The following DDX1 variants were observed in gnomAD, a reference collection of about 807,000 sequenced individuals.
DDX1 encodes DEAD-box helicase 1.
Under a neutral mutation model 108.7 loss-of-function variants are expected in DDX1, and 28 were observed. The ratio of observed to expected loss-of-function variants is 0.26; its 90% CI spans 0.19 to 0.35. The LOEUF (loss-of-function observed/expected upper bound fraction) is 0.35. Ranked by LOEUF, DDX1 falls within the 10% of genes least tolerant of loss-of-function variation. The pLI, the probability that DDX1 is intolerant of heterozygous loss-of-function variation, is 1.00. For missense variants in DDX1, 710 were observed against 884.5 expected, an observed-to-expected ratio of 0.80 and a Z score of 2.50; for synonymous variants, 295 against 288.9, an observed-to-expected ratio of 1.02 and a Z score of -0.21.
chr2:15,629,927 A>G, intron 24 of DDX1, 63 bp from the exon 25 acceptor site: 1 of 1,455,690 alleles, frequency 6.9e-7, no homozygotes, highest in African/African-American at 1.4e-5. Flanking sequence ...TTATTTAATG[A>G]TGATAAAATG....
intron 13 of DDX1, among the ~76,000 whole-genome samples, chr2:15,612,730 T>C (rs1416470915): frequency 6.6e-6 from 1 of 152,074 alleles, no homozygotes; most frequent in Non-Finnish European, 1.5e-5. Flanking sequence ...GAGCACTGAG[T>C]GAGGGAGACT....
At chr2:15,600,946 A>C in intron 6 of DDX1, among the ~76,000 whole-genome samples, 1 of 151,858 alleles carries the variant, frequency 6.6e-6, no homozygotes, top group Non-Finnish European at 1.5e-5. Context: ...AACTGTGTGT[A>C]GCACAGCTGT....
At chr2:15,613,407 T>C in intron 14 of DDX1, 123 bp downstream of exon 14, 1 of 570,838 alleles carries the variant, frequency 1.8e-6, no homozygotes, top group Non-Finnish European at 3.0e-6. Flanking sequence ...GAGGAGTATG[T>C]TTGTTCAAAG....
intron 5 of DDX1, among the ~76,000 whole-genome samples, chr2:15,598,890 T>C (rs1665542801): frequency 6.6e-6 from 1 of 152,158 alleles, no homozygotes; most frequent in South Asian, 2.1e-4. Context: ...ATGAAAAAAA[T>C]GTGTGACTTT....
chr2:15,602,806 C>G (rs1310830953), intron 7 of DDX1, among the ~76,000 whole-genome samples, 175 bp downstream of exon 7: 1 of 152,146 alleles, frequency 6.6e-6, no homozygotes, highest in African/African-American at 2.4e-5. Context: ...CTCCACCTCC[C>G]GGGTTCAAGC....
chr2:15,618,128 C>G (rs768589974), intron 15 of DDX1, 53 bp from the exon 16 acceptor site: 1 of 1,100,486 alleles, frequency 9.1e-7, no homozygotes, highest in Non-Finnish European at 1.3e-6. Context: ...TTAAAACTTA[C>G]GTTTTTTTCC....
intron 19 of DDX1, among the ~76,000 whole-genome samples, chr2:15,625,524 T>C (rs1284204418): frequency 6.6e-6 from 1 of 152,152 alleles, no homozygotes; most frequent in African/African-American, 2.4e-5. Flanking sequence ...TACATTGAAA[T>C]GTACAAAAAT....
chr2:15,592,136 A>G (rs933022618), intron 1 of DDX1, among the ~76,000 whole-genome samples, 187 bp downstream of exon 1: 1 of 152,166 alleles, frequency 6.6e-6, no homozygotes, highest in Non-Finnish European at 1.5e-5. Context: ...GGTTCGGAGG[A>G]CGATTCTTCC....
chr2:15,604,841 G>A (rs573858463), intron 10 of DDX1, among the ~76,000 whole-genome samples: 2 of 152,282 alleles, frequency 1.3e-5, no homozygotes, highest in South Asian at 4.1e-4. Flanking sequence ...GTGCTTTTGT[G>A]TAGGGCAGTC....
rs1558455942 is a variant in DDX1, at chr2:15,612,998, A to AAAGAGAGGGAGAGGGAGACCGTGGG, written c.957-225_957-201dup. Among the ~76,000 whole-genome samples, 29 of 151,372 alleles carry AAAGAGAGGGAGAGGGAGACCGTGGG rather than the reference A, an allele frequency of 1.9e-4. No homozygotes were observed. The South Asian group carries it at 6.2e-3, about 32-fold the overall frequency. On this transcript the variant is annotated intron_variant, in intron 13 of 25. Transcript: ENST00000233084. ...GCTCGGTATCAGAGGGAGACCGTGG[A>AAAGAGAGGGAGAGGGAGACCGTGGG]AAGAGAGGGAGAGGGAGACCGTGGG...
At chr2:15,624,051 G>GT (rs1401453548) in intron 19 of DDX1, among the ~76,000 whole-genome samples, 1 of 152,148 alleles carries the variant, frequency 6.6e-6, no homozygotes, top group East Asian at 1.9e-4. Flanking sequence ...AGTAAACACT[G>GT]TAAGTATCAG....
chr2:15,629,809 G>T, intron 24 of DDX1, 112 bp downstream of exon 24: 1 of 1,034,326 alleles, frequency 9.7e-7, no homozygotes, highest in South Asian at 1.8e-5. Flanking sequence ...ATAAGGGAAA[G>T]TCGTAGTTGG....
intron 6 of DDX1, among the ~76,000 whole-genome samples, 200 bp downstream of exon 6, chr2:15,599,916 A>G (rs752195861): frequency 1.3e-5 from 2 of 152,256 alleles, no homozygotes; most frequent in African/African-American, 2.4e-5. Flanking sequence ...ATGAGAAGTT[A>G]TATGCAGGAA....
rs773770521 is a variant in DDX1, at chr2:15,620,334, G to A, written c.1333G>A (p.Val445Ile). ...DSVPDTVHHV[V>I]VPVNPKTDRL... ...TGTTCCAGATACTGTACACCATGTTGTTGTCCCAGTAAATCCCAAAACTGA... is the reference window on the plus strand; with the variant it reads ...TGTTCCAGATACTGTACACCATGTTATTGTCCCAGTAAATCCCAAAACTGA... The change falls in exon 17 of 26, where the codon GTT (valine) becomes ATT (isoleucine). Residue 445 changes from valine (V) to isoleucine (I), a missense_variant. Val to Ile is a conservative substitution (Grantham distance 29, BLOSUM62 3). Coordinates refer to ENST00000233084, the MANE Select transcript of DDX1 (RefSeq NM_004939.3). 9 of 1,613,884 alleles carry A rather than the reference G, an allele frequency of 5.6e-6. No individual in the cohort carries two copies. The South Asian group carries it at 8.8e-5, about 16-fold the overall frequency.
chr2:15,622,746 G>A (rs1456385466), intron 18 of DDX1, among the ~76,000 whole-genome samples: 2 of 152,122 alleles, frequency 1.3e-5, no homozygotes, highest in Non-Finnish European at 2.9e-5. Flanking sequence ...AGTTTTTATT[G>A]CTTCTTATAT....
At chr2:15,613,096 G>C (rs1428311872) in intron 13 of DDX1, 128 bp from the exon 14 acceptor site, 5 of 642,790 alleles carry the variant, frequency 7.8e-6, no homozygotes, top group African/African-American at 1.9e-5. Context: ...TTGTTTTATT[G>C]TAGGCTTTTT....
At chr2:15,629,752 C>T (rs1666162039) in intron 24 of DDX1, 55 bp downstream of exon 24, 3 of 1,321,768 alleles carry the variant, frequency 2.3e-6, no homozygotes, top group Non-Finnish European at 3.1e-6. Flanking sequence ...GAATAGAAAG[C>T]ATTTATCTTC....
In DDX1 at chr2:15,607,290, A is replaced by T; in HGVS notation, c.933A>T (p.Lys311Asn). The T allele has an allele frequency of 6.2e-7, 1 of 1,613,290 alleles. No homozygotes were observed. Residue 311 changes from lysine to asparagine, a missense_variant, in exon 13 of 26, where the codon AAA becomes AAT. Physicochemically the swap from Lys to Asn is moderately conservative, Grantham distance 94 (BLOSUM62 0). Around this residue, in one of 3 missense-constraint regions of DDX1, gnomAD observed 661 missense variants for 810.2 expected, o/e 0.82. Transcript: ENST00000233084. Reference protein sequence around the residue: ...QTLNNIKQFKKYIDNPKLREL... With the variant: ...QTLNNIKQFKNYIDNPKLREL... ...TGAACAACATCAAGCAGTTTAAGAA[A>T]TACATTGATAATCCTAAATTAAGGT...
intron 7 of DDX1, among the ~76,000 whole-genome samples, chr2:15,602,858 C>T (rs546127434): frequency 2.6e-5 from 4 of 152,230 alleles, no homozygotes; most frequent in South Asian, 2.1e-4. Flanking sequence ...GGATTACAGG[C>T]GCCCACCACC....
Sources: gnomAD v4.1 joint callset for allele counts (sites outside exome capture counted in the v4.1 genomes callset) on GRCh38, gnomAD v4.1.1 for gene constraint, gnomAD v4.1.1 regional missense constraint, MANE v1.5 for transcripts, NCBI Gene and HGNC (gene_info 2026-07-23, HGNC 2026-07-21) for gene names.